Variants in ACTL6B observed in about 807,000 individuals in gnomAD.
ACTL6B encodes the protein actin like 6B, also known as actin-like protein 6B.
ACTL6B carries 48 observed loss-of-function variants against 63.3 expected under a neutral mutation model. That is an observed-to-expected ratio of 0.76 (90% confidence interval 0.60 to 0.96). The LOEUF is 0.96. Among genes scored for constraint, ACTL6B ranks in the 50% least tolerant of loss-of-function variants. The pLI, the probability that ACTL6B is intolerant of heterozygous loss-of-function variation, is 0.00. For missense variants in ACTL6B, 350 were observed against 572.2 expected, an observed-to-expected ratio of 0.61 and a Z score of 3.96; for synonymous variants, 230 against 223.8, an observed-to-expected ratio of 1.03 and a Z score of -0.25.
chr7:100,647,537 T>C lies in ACTL6B; in HGVS notation c.670-4A>G, dbSNP rs1307829409. 2 of 1,590,272 alleles carry C rather than the reference T, an allele frequency of 1.3e-6. No homozygotes were observed. The highest frequency in any genetic ancestry group is 2.7e-5 in the African/African-American group (2 of 74,578). Reference sequence around the variant, plus strand: ...GGGCACCCTCCCGGACAGGCTCCTGTGGGGGCACAGTGTAGGAACACCCTT... The same window carrying C: ...GGGCACCCTCCCGGACAGGCTCCTGCGGGGGCACAGTGTAGGAACACCCTT... On this transcript the variant is annotated splice_region_variant and splice_polypyrimidine_tract_variant and intron_variant, in intron 7 of 13. Coordinates refer to ENST00000160382, the MANE Select transcript of ACTL6B (RefSeq NM_016188.5). This position sits in a 1 kb window ranked among gnomAD's most constrained non-coding sequence, Gnocchi z 4.4.
At position 100,650,118 on chromosome 7, in the gene ACTL6B, C is replaced by T. The variant is rs543803288; in HGVS notation, c.387G>A (p.Lys129=). Residue 129 remains lysine, a synonymous_variant, in exon 5 of 14, where the codon AAG becomes AAA. Coordinates refer to ENST00000160382, the MANE Select transcript of ACTL6B (RefSeq NM_016188.5). ...ACATCAGCTCTGTCAGCTTCTCCCG[C>T]TTGGCCCGTGTGTTCCACTGTGGAG... is the stretch of plus-strand genomic sequence containing the variant. The part of the protein sequence containing the change: ...MSEAPWNTRA[K]REKLTELMFE... 170 of 1,613,904 alleles carry T rather than the reference C, an allele frequency of 1.1e-4. 1 individual carries two copies. In the South Asian group the frequency reaches 1.8e-3, roughly 17 times the overall value.
intron 4 of ACTL6B, 69 bp downstream of exon 4, chr7:100,654,950 A>G: frequency 1.5e-6 from 2 of 1,311,328 alleles, no homozygotes; most frequent in Admixed American, 1.9e-5. Flanking sequence ...GGAGAGGAGG[A>G]GAGGTGGATG....
chr7:100,646,103 C>T lies in ACTL6B; in HGVS notation c.1200+146G>A. On this transcript the variant is annotated intron_variant, in intron 13 of 13. Coordinates refer to ENST00000160382, the MANE Select transcript of ACTL6B (RefSeq NM_016188.5). The surrounding 1 kb of genome is among the most constrained non-coding windows in gnomAD (Gnocchi z 6.1). ...CCCGATTTGTGTCCTGTTCACCCTT[C>T]TGGGAACATTCATTGACTGACATTT... is the stretch of plus-strand genomic sequence containing the variant. 2 of 816,370 alleles carry T rather than the reference C, an allele frequency of 2.4e-6. No homozygotes were observed. Among genetic ancestry groups the T allele is most frequent in the South Asian group, 1.6e-5 (1 of 61,352 alleles). The allele number at this position is 816,370 out of a possible 1,614,324, so 50.6% of individuals were successfully genotyped here.
rs1314843808 is a variant in ACTL6B, at chr7:100,646,064, C to T, written c.1200+185G>A. The stretch of plus-strand genomic sequence containing the variant: ...GGGATGACAGGTGTGGGCCACCATA[C>T]CGGGCCCCTGCCCCCCGATTTGTGT... On this transcript the variant is annotated intron_variant, in intron 13 of 13. Transcript: ENST00000160382. The surrounding 1 kb of genome is among the most constrained non-coding windows in gnomAD (Gnocchi z 6.1). Among the ~76,000 whole-genome samples the T allele has an allele frequency of 1.3e-5, 2 of 152,242 alleles. No individual in the cohort carries two copies. The highest frequency in any genetic ancestry group is 2.9e-5 in the Non-Finnish European group (2 of 68,042).
chr7:100,646,682 G>GC lies in ACTL6B; in HGVS notation c.1018-37dup. On this transcript the variant is annotated intron_variant, in intron 11 of 13. Transcript: ENST00000160382. The surrounding 1 kb of genome is among the most constrained non-coding windows in gnomAD (Gnocchi z 6.1). ...GGAGAAGGAGTGAGCTGCGGGGGCAGCCCCCCAACCCCGTCTCCCCACTTC... is the reference window on the plus strand; with the variant it reads ...GGAGAAGGAGTGAGCTGCGGGGGCAGCCCCCCCAACCCCGTCTCCCCACTTC... The GC allele has an allele frequency of 1.2e-6, 2 of 1,613,048 alleles. No individual in the cohort carries two copies. The highest frequency in any genetic ancestry group is 8.5e-7 in the Non-Finnish European group (1 of 1,179,364).
At chr7:100,653,127 G>A (rs911927727) in intron 4 of ACTL6B, among the ~76,000 whole-genome samples, 1 of 149,774 alleles carries the variant, frequency 6.7e-6, no homozygotes, top group Non-Finnish European at 1.5e-5. Context: ...CCTGTCTCAG[G>A]CCTGATTAGC....
rs200477019 is a variant in ACTL6B, at chr7:100,646,924, A to C, written c.936+47T>G. On this transcript the variant is annotated intron_variant, in intron 10 of 13. Transcript: ENST00000160382. The surrounding 1 kb of genome is among the most constrained non-coding windows in gnomAD (Gnocchi z 6.1). Reference sequence around the variant, plus strand: ...CAGCCTCCCCCACGCCCCAGGATCCAGGGACTGCAGCCAGCACCCACCCCA... The same window carrying C: ...CAGCCTCCCCCACGCCCCAGGATCCCGGGACTGCAGCCAGCACCCACCCCA... 9 of 1,579,786 alleles carry C rather than the reference A, an allele frequency of 5.7e-6. No homozygotes were observed. The highest frequency in any genetic ancestry group is 1.7e-4 in the Middle Eastern group (1 of 5,976).
chr7:100,648,619 C>T lies in ACTL6B; in HGVS notation c.606G>A (p.Gln202=). ...SPLAGDFISM[Q]CRELFQEMAI... is the part of the protein sequence containing the mutation. ...CCATCTCCTGGAACAGCTCCCGGCA[C>T]TGCATGGAGATGAAGTCCCCTGCCA... The change falls in exon 7 of 14, where the codon CAG becomes CAA. Residue 202 remains glutamine, a synonymous_variant. Coordinates refer to ENST00000160382, the MANE Select transcript of ACTL6B (RefSeq NM_016188.5). This position sits in a 1 kb window ranked among gnomAD's most constrained non-coding sequence, Gnocchi z 4.4. The T allele has an allele frequency of 6.2e-7, 1 of 1,613,132 alleles. No homozygotes were observed. Among genetic ancestry groups the T allele is most frequent in the South Asian group, 1.1e-5 (1 of 90,924 alleles).
chr7:100,646,526 C>A lies in ACTL6B; in HGVS notation c.1113+25G>T. 6.2e-7 allele frequency: 1 copy of A among 1,612,478 alleles called. No homozygotes were observed. Among genetic ancestry groups the A allele is most frequent in the South Asian group, 1.1e-5 (1 of 91,042 alleles). On this transcript the variant is annotated intron_variant, in intron 12 of 13. Coordinates refer to ENST00000160382, the MANE Select transcript of ACTL6B (RefSeq NM_016188.5). The surrounding 1 kb of genome is among the most constrained non-coding windows in gnomAD (Gnocchi z 6.1). ...GCTGAGCCAGGACGGGTGTCCAGGG[C>A]TCTGGGTCAGGGGTGGGCTCCTACC...
chr7:100,646,430 C>G lies in ACTL6B; in HGVS notation c.1114-95G>C, dbSNP rs2231177. On this transcript the variant is annotated intron_variant, in intron 12 of 13. Coordinates refer to ENST00000160382, the MANE Select transcript of ACTL6B (RefSeq NM_016188.5). This position sits in a 1 kb window ranked among gnomAD's most constrained non-coding sequence, Gnocchi z 6.1. ...GGGAAGACTTGGGAAGCCACAGGGG[C>G]AGGGGTTCTGCTCTGGTGGCCAGAA... 1.3e-6 allele frequency: 2 copies of G among 1,551,122 alleles called. No individual in the cohort carries two copies. The highest frequency in any genetic ancestry group is 4.5e-5 in the East Asian group (2 of 44,134).
intron 13 of ACTL6B, among the ~76,000 whole-genome samples, chr7:100,645,852 G>A (rs1056337882): frequency 3.3e-5 from 5 of 152,176 alleles, no homozygotes; most frequent in East Asian, 1.9e-4. Flanking sequence ...GGCTGGTCTC[G>A]AACTCCTGAG....
chr7:100,651,386 AC>A (rs1803937293), intron 4 of ACTL6B, among the ~76,000 whole-genome samples: 1 of 151,944 alleles, frequency 6.6e-6, no homozygotes, highest in Non-Finnish European at 1.5e-5. Flanking sequence ...CCCCGTCTCT[AC>A]TAAAAATACA....
rs2131333638 is a variant in ACTL6B at position 100,647,015 on chromosome 7, G to A, written c.892C>T (p.Arg298Ter). 2 of 1,614,042 alleles carry A rather than the reference G, an allele frequency of 1.2e-6. No individual in the cohort carries two copies. The highest frequency in any genetic ancestry group is 1.7e-6 in the Non-Finnish European group (2 of 1,179,996). ...NGYNTDYGAE[R>*]LRIPEGLFDP... ...AACAGGCCCTCAGGGATGCGGAGTC[G>A]CTCGGCGCCGTAGTCTGTATTGTAG... Residue 298 changes from arginine (R) to a stop codon, truncating the protein, a stop_gained, in exon 10 of 14, where the codon CGA (arginine) becomes TGA (stop). Transcript: ENST00000160382. LOFTEE classifies it high-confidence loss of function. This position sits in a 1 kb window ranked among gnomAD's most constrained non-coding sequence, Gnocchi z 4.4.
intron 4 of ACTL6B, 63 bp downstream of exon 4, chr7:100,654,956 G>A: frequency 7.2e-7 from 1 of 1,384,728 alleles, no homozygotes; most frequent in Non-Finnish European, 1.0e-6. Context: ...GAGGAGAGGT[G>A]GATGGTGGGA....
chr7:100,651,235 T>C (rs1295082249), intron 4 of ACTL6B, among the ~76,000 whole-genome samples: 1 of 152,202 alleles, frequency 6.6e-6, no homozygotes, highest in Non-Finnish European at 1.5e-5. Context: ...AAAAATATAC[T>C]TCCCATGACC....
intron 4 of ACTL6B, among the ~76,000 whole-genome samples, chr7:100,654,153 T>C (rs1803993772): frequency 6.6e-6 from 1 of 151,988 alleles, no homozygotes; most frequent in Non-Finnish European, 1.5e-5. Context: ...TTTGTATTTT[T>C]AGTAGAGATG....
At position 100,648,919 on chromosome 7, in the gene ACTL6B, G is replaced by T; in HGVS notation, c.468-96C>A. On this transcript the variant is annotated intron_variant, in intron 5 of 13. Transcript: ENST00000160382. The surrounding 1 kb of genome is among the most constrained non-coding windows in gnomAD (Gnocchi z 4.4). Reference sequence around the variant, plus strand: ...TCACTCTCTGCTCTACCGGGGTCCAGCCCATCCCCAGTCTGCAAATCTCTC... The same window carrying T: ...TCACTCTCTGCTCTACCGGGGTCCATCCCATCCCCAGTCTGCAAATCTCTC... 8.2e-7 allele frequency: 1 copy of T among 1,225,816 alleles called. No homozygotes were observed. The highest frequency in any genetic ancestry group is 1.1e-6 in the Non-Finnish European group (1 of 895,018). 75.9% of individuals were successfully genotyped at this position (1,225,816 alleles called of 1,614,324 possible).
Position 100,647,477 on chromosome 7 carries a change from C to G in ACTL6B, c.726G>C (p.Gln242His). The G allele has an allele frequency of 1.2e-6, 2 of 1,612,010 alleles. No homozygotes were observed. The highest frequency in any genetic ancestry group is 1.3e-5 in the African/African-American group (1 of 75,020). ...TGTAGTTATGCCAGGACTTGGAGACCTGGGGTAGCTTCTCCTTCTTCTTCC... is the reference window on the plus strand; with the variant it reads ...TGTAGTTATGCCAGGACTTGGAGACGTGGGGTAGCTTCTCCTTCTTCTTCC... ...PNWKKKEKLP[Q>H]VSKSWHNYMC... Residue 242 changes from glutamine to histidine, a missense_variant, in exon 8 of 14, where the codon CAG (glutamine) becomes CAC (histidine). Physicochemically the swap from Gln to His is conservative, Grantham distance 24. Coordinates refer to ENST00000160382, the MANE Select transcript of ACTL6B (RefSeq NM_016188.5). The surrounding 1 kb of genome is among the most constrained non-coding windows in gnomAD (Gnocchi z 4.4).
Position 100,648,463 on chromosome 7 carries a change from C to G in ACTL6B, c.669+93G>C. The G allele has an allele frequency of 1.7e-6, 2 of 1,151,562 alleles. No individual in the cohort carries two copies. Among genetic ancestry groups the G allele is most frequent in the South Asian group, 3.3e-5 (2 of 60,184 alleles). 71.3% of individuals were successfully genotyped at this position (1,151,562 alleles called of 1,614,324 possible). Reference sequence around the variant, plus strand: ...AGGACCCACTGGGGAGCCTGCTGCTCTCTGCTCTGATATCTCATGTGTCAG... The same window carrying G: ...AGGACCCACTGGGGAGCCTGCTGCTGTCTGCTCTGATATCTCATGTGTCAG... On this transcript the variant is annotated intron_variant, in intron 7 of 13. Transcript: ENST00000160382. The surrounding 1 kb of genome is among the most constrained non-coding windows in gnomAD (Gnocchi z 4.4).
Sources: allele counts gnomAD v4.1 joint callset (sites outside exome capture counted in the v4.1 genomes callset), GRCh38; gene constraint gnomAD v4.1.1; non-coding constraint Gnocchi (gnomAD v3.1); transcripts MANE v1.5; gene names NCBI Gene and HGNC (gene_info 2026-07-23, HGNC 2026-07-21).